CDH18: variants seen among roughly 807,000 people sequenced by gnomAD.
CDH18 encodes the protein cadherin-18.
Under a neutral mutation model 67.9 loss-of-function variants are expected in CDH18, and 31 were observed. That is an observed-to-expected ratio of 0.46 (90% CI 0.34 to 0.62). CDH18 has a LOEUF of 0.62. CDH18 is among the 20% of genes least tolerant of loss of function. The probability of loss-of-function intolerance (pLI) is 0.01; values close to 1 mark genes in which losing one functional copy is unlikely to be tolerated. For missense variants in CDH18, 890 were observed against 975.5 expected, an observed-to-expected ratio of 0.91 and a Z score of 1.17; for synonymous variants, 362 against 347.2, an observed-to-expected ratio of 1.04 and a Z score of -0.48.
chr5:19,783,689 G>T (rs377107092), intron 3 of CDH18, among the ~76,000 whole-genome samples: 6 of 152,102 alleles, frequency 3.9e-5, no homozygotes, highest in Non-Finnish European at 7.4e-5. Flanking sequence ...TGTGTCTTTC[G>T]TTGGGGCTTG....
intron 2 of CDH18, among the ~76,000 whole-genome samples, chr5:19,922,431 A>G (rs919390378): frequency 1.6e-4 from 24 of 152,218 alleles, no homozygotes; most frequent in Non-Finnish European, 3.4e-4. Context: ...TTTCACCCAA[A>G]GAATTTTGTG....
chr5:20,530,926 A>G (rs1417963268), intron 1 of CDH18, among the ~76,000 whole-genome samples: 1 of 152,118 alleles, frequency 6.6e-6, no homozygotes, highest in Admixed American at 6.6e-5. Context: ...ACAGCAAAAG[A>G]AACTGTCATT....
intron 1 of CDH18, among the ~76,000 whole-genome samples, chr5:20,552,674 CTA>C (rs1442129141): frequency 6.6e-6 from 1 of 151,978 alleles, no homozygotes; most frequent in Non-Finnish European, 1.5e-5. Flanking sequence ...AGTAAGATAA[CTA>C]TCTTATATTT....
At chr5:19,630,568 A>G (rs570491125) in intron 5 of CDH18, among the ~76,000 whole-genome samples, 16 of 152,156 alleles carry the variant, frequency 1.1e-4, no homozygotes, top group African/African-American at 3.9e-4. Context: ...GGAAGTGGCT[A>G]CTATCTAATT....
intron 1 of CDH18, among the ~76,000 whole-genome samples, chr5:20,464,290 T>C (rs955551245): frequency 6.6e-6 from 1 of 152,182 alleles, no homozygotes; most frequent in Non-Finnish European, 1.5e-5. Context: ...GCACATTAAA[T>C]GTATTTGCAA....
intron 11 of CDH18, among the ~76,000 whole-genome samples, chr5:19,502,000 C>T (rs977620059): frequency 6.6e-6 from 1 of 152,128 alleles, no homozygotes; most frequent in Non-Finnish European, 1.5e-5. Context: ...ATGTGAGAGA[C>T]AATTAAGCTT....
Position 19,839,170 on chromosome 5 carries a change from C to T in CDH18, c.-184G>A. ...CAGATCATATTTACATTCTGAACCA[C>T]TTGGAAAATCAAAGCCGTAGTTGTC... On this transcript the variant is annotated 5_prime_UTR_variant, in exon 3 of 13. It adds an upstream start codon to the 5' untranslated region. Transcript: ENST00000382275. 5.4e-6 allele frequency: 3 copies of T among 555,424 alleles called. No individual in the cohort carries two copies. Among genetic ancestry groups the T allele is most frequent in the Middle Eastern group, 4.0e-4 (1 of 2,482 alleles). The allele number at this position is 555,424 out of a possible 1,614,324, so 34.4% of individuals were successfully genotyped here.
intron 2 of CDH18, among the ~76,000 whole-genome samples, chr5:20,136,787 G>C (rs770121682): frequency 1.3e-5 from 2 of 152,112 alleles, no homozygotes; most frequent in Admixed American, 6.5e-5. Context: ...AGGCCTGGTG[G>C]TGACAAAATC....
chr5:19,483,362 G>A lies in CDH18; in HGVS notation c.1821C>T (p.Ser607=), dbSNP rs1739799646. ...AGGCTCCTGTACTCAAACCAGCCGA[G>A]GACAGGAAGGCTTCTGCATGGCAGG... ...VRTCHAEAFL[S]SAGLSTGALI... The change falls in exon 12 of 13, where the codon TCC becomes TCT. Residue 607 remains serine (S), a synonymous_variant. Transcript: ENST00000382275. 6.2e-7 allele frequency: 1 copy of A among 1,614,038 alleles called. No homozygotes were observed. The highest frequency in any genetic ancestry group is 8.5e-7 in the Non-Finnish European group (1 of 1,179,988).
At chr5:20,521,037 A>T (rs1040996500) in intron 1 of CDH18, among the ~76,000 whole-genome samples, 1 of 152,164 alleles carries the variant, frequency 6.6e-6, no homozygotes, top group Admixed American at 6.5e-5. Flanking sequence ...GAGAAAAAAA[A>T]TTTTAATTAG....
At chr5:19,745,348 T>C (rs924367451) in intron 4 of CDH18, among the ~76,000 whole-genome samples, 1 of 152,220 alleles carries the variant, frequency 6.6e-6, no homozygotes, top group Admixed American at 6.5e-5. Flanking sequence ...TTTAGTATAC[T>C]GTCTTCCTGG....
intron 2 of CDH18, among the ~76,000 whole-genome samples, chr5:20,017,412 C>G (rs1390531789): frequency 2.6e-5 from 4 of 151,958 alleles, no homozygotes; most frequent in Non-Finnish European, 5.9e-5. Flanking sequence ...AATAAACTGT[C>G]TATATGAGTA....
chr5:19,666,065 A>G (rs892216878), intron 5 of CDH18, among the ~76,000 whole-genome samples: 1 of 151,670 alleles, frequency 6.6e-6, no homozygotes, highest in African/African-American at 2.4e-5. Flanking sequence ...AGTATTTTAC[A>G]GAAAATAAAA....
intron 2 of CDH18, among the ~76,000 whole-genome samples, chr5:20,056,264 G>T (rs1197911825): frequency 6.8e-6 from 1 of 147,892 alleles, no homozygotes; most frequent in Non-Finnish European, 1.5e-5. Context: ...TTGGCCTCCC[G>T]TAGTGCTGGG....
At chr5:20,061,509 G>A (rs567949808) in intron 2 of CDH18, among the ~76,000 whole-genome samples, 2 of 152,090 alleles carry the variant, frequency 1.3e-5, no homozygotes, top group South Asian at 4.2e-4. Context: ...AGATTTAAAG[G>A]TAGCCTTCTT....
At chr5:20,490,206 T>A (rs1268307003) in intron 1 of CDH18, among the ~76,000 whole-genome samples, 1 of 152,068 alleles carries the variant, frequency 6.6e-6, no homozygotes, top group Non-Finnish European at 1.5e-5. Flanking sequence ...CTGGGGCCAT[T>A]TTTATGATCA....
intron 3 of CDH18, among the ~76,000 whole-genome samples, chr5:19,807,639 G>T (rs1194681719): frequency 6.6e-6 from 1 of 151,996 alleles, no homozygotes; most frequent in Non-Finnish European, 1.5e-5. Context: ...TCCATCTCAG[G>T]ATTTTTACAC....
At chr5:19,872,782 C>G (rs114759579) in intron 2 of CDH18, among the ~76,000 whole-genome samples, 1 of 152,074 alleles carries the variant, frequency 6.6e-6, no homozygotes, top group East Asian at 1.9e-4. Context: ...CATAAAAGCA[C>G]GGTAATTTGT....
chr5:20,294,671 C>T (rs1747352239), intron 1 of CDH18, among the ~76,000 whole-genome samples: 1 of 152,120 alleles, frequency 6.6e-6, no homozygotes, highest in Non-Finnish European at 1.5e-5. Context: ...TCCCAAGGTT[C>T]CTAATCTTAC....
Sources: gnomAD v4.1 joint callset for allele counts (sites outside exome capture counted in the v4.1 genomes callset) on GRCh38, gnomAD v4.1.1 for gene constraint, MANE v1.5 for transcripts, NCBI Gene and HGNC (gene_info 2026-07-23, HGNC 2026-07-21) for gene names.